The following DOK7 variants were observed in gnomAD, a reference collection of about 807,000 sequenced individuals.
The protein encoded by DOK7 is protein Dok-7.
DOK7 carries 32 observed loss-of-function variants against 30.7 expected under a neutral mutation model. The observed-to-expected ratio is 1.04, with a 90% confidence interval of 0.79 to 1.40. The LOEUF is 1.40. DOK7 is among the 40% of genes most tolerant of loss of function. The probability of loss-of-function intolerance (pLI) is 0.00; values close to 1 mark genes in which losing one functional copy is unlikely to be tolerated. For synonymous variants in DOK7, 447 were observed against 324.1 expected (o/e 1.38, Z -4.07); for missense variants, 1,007 against 699.2 (o/e 1.44, Z -4.97).
chr4:3,490,408 C>CT (rs1728225137), intron 6 of DOK7, among the ~76,000 whole-genome samples: 1 of 68,012 alleles, frequency 1.5e-5, no homozygotes, highest in Non-Finnish European at 2.9e-5. Context: ...CCTTCTTTCA[C>CT]CCCCCCCACC....
At chr4:3,495,320 G>A (rs772269971), downstream of DOK7, among the ~76,000 whole-genome samples, 5 of 148,298 alleles carry the variant, frequency 3.4e-5, no homozygotes, top group Admixed American at 6.6e-5. Flanking sequence ...GGCCCTTCCC[G>A]CTAGTCTTCA....
At position 3,493,389 on chromosome 4, in the gene DOK7, G is replaced by A. The variant is rs767909551; in HGVS notation, c.1403G>A (p.Gly468Asp). 6.6e-5 allele frequency: 105 copies of A among 1,594,730 alleles called. No individual in the cohort carries two copies. Among genetic ancestry groups the A allele is most frequent in the Non-Finnish European group, 8.6e-5 (101 of 1,171,212 alleles). The change falls in exon 7 of 7, where the codon GGC (glycine) becomes GAC (aspartate). Residue 468 changes from glycine to aspartate, a missense_variant. By Grantham distance (94) the Gly-to-Asp change is moderately conservative. Transcript: ENST00000340083. ...APQGSEATLP[G>D]PAPGEPWEAG... is the part of the protein sequence containing the mutation. ...CAGGGCAGCGAGGCCACACTGCCTG[G>A]CCCTGCCCCTGGCGAGCCCTGGGAA...
intron 4 of DOK7, 157 bp from the exon 5 acceptor site, chr4:3,485,382 G>A: frequency 5.9e-6 from 6 of 1,014,872 alleles, no homozygotes; most frequent in African/African-American, 5.0e-5. Flanking sequence ...ACGGGGCCAG[G>A]CGGGGTGTCG....
At chr4:3,478,615 C>T (rs1014562619) in intron 4 of DOK7, among the ~76,000 whole-genome samples, 2 of 77,190 alleles carry the variant, frequency 2.6e-5, no homozygotes, top group African/African-American at 1.4e-4. Context: ...ACAGAACCCG[C>T]CTTTGCAGCT....
At chr4:3,491,313 T>TG (rs1449021831) in intron 6 of DOK7, among the ~76,000 whole-genome samples, 295 of 123,298 alleles carry the variant, frequency 2.4e-3, no homozygotes, top group African/African-American at 9.2e-3. Context: ...ATTCCTGCCT[T>TG]CTCCCCCTGC....
chr4:3,481,516 C>T (rs1200355555), intron 4 of DOK7, among the ~76,000 whole-genome samples: 3 of 152,100 alleles, frequency 2.0e-5, no homozygotes, highest in Non-Finnish European at 4.4e-5. Flanking sequence ...AGCCAACACC[C>T]ACTGCCAGGC....
Position 3,485,578 on chromosome 4 carries a change from A to G in DOK7, c.572A>G (p.Gln191Arg), listed in dbSNP as rs774010205. The G allele has an allele frequency of 6.2e-7, 1 of 1,607,410 alleles. No individual in the cohort carries two copies. The highest frequency in any genetic ancestry group is 8.5e-7 in the Non-Finnish European group (1 of 1,176,626). Residue 191 changes from glutamine (Q) to arginine (R), a missense_variant, in exon 5 of 7, where the codon CAG (glutamine) becomes CGG (arginine). Physicochemically the swap from Gln to Arg is conservative, Grantham distance 43 (BLOSUM62 1). Coordinates refer to ENST00000340083, the MANE Select transcript of DOK7 (RefSeq NM_173660.5). ...VFFLSSAEGE[Q>R]ISFLFDCIVR... Reference sequence around the variant, plus strand: ...TTCCTGTCCTCGGCCGAGGGGGAGCAGATCAGCTTCCTGTTCGACTGCATC... The same window carrying G: ...TTCCTGTCCTCGGCCGAGGGGGAGCGGATCAGCTTCCTGTTCGACTGCATC...
intron 2 of DOK7, among the ~76,000 whole-genome samples, chr4:3,467,561 G>A (rs1244534464): frequency 3.3e-5 from 5 of 151,546 alleles, no homozygotes; most frequent in South Asian, 2.1e-4. Context: ...GTGTGTGCAC[G>A]TGCGTGTGTG....
intron 6 of DOK7, among the ~76,000 whole-genome samples, chr4:3,491,495 C>T (rs1232622089): frequency 1.5e-5 from 2 of 134,616 alleles, no homozygotes; most frequent in African/African-American, 5.4e-5. Context: ...TTTCCTTGTC[C>T]CTCCGCTTAT....
chr4:3,487,807 C>A (rs1231127379), intron 5 of DOK7, among the ~76,000 whole-genome samples: 1 of 152,236 alleles, frequency 6.6e-6, no homozygotes, highest in East Asian at 1.9e-4. Flanking sequence ...TCCGTCCCAC[C>A]TGTGGGGCAT....
At position 3,492,941 on chromosome 4, in the gene DOK7, C is replaced by T; in HGVS notation, c.955C>T (p.Pro319Ser). ...EAMVGASRPP[P>S]KPLRPRQLQE... ...CATGGTGGGTGCCTCAAGGCCACCC[C>T]CCAAGCCGCTGCGTCCGCGGCAGCT... The change falls in exon 7 of 7, where the codon CCC becomes TCC. Residue 319 changes from proline (P) to serine (S), a missense_variant. Transcript: ENST00000340083. 5.1e-6 allele frequency: 8 copies of T among 1,556,672 alleles called. No homozygotes were observed. Among genetic ancestry groups the T allele is most frequent in the Non-Finnish European group, 6.1e-6 (7 of 1,153,848 alleles).
At chr4:3,500,844 T>C (rs1729152509) in exon 8 of DOK7, 1 of 1,521,914 alleles carries the variant, frequency 6.6e-7, no homozygotes, top group African/African-American at 1.4e-5. Context: ...CGCCAGGAGC[T>C]GACCGCAAAC....
Position 3,492,678 on chromosome 4 carries a change from T to TG in DOK7, c.773-76dup, listed in dbSNP as rs532097176. On this transcript the variant is annotated intron_variant, in intron 6 of 6. Transcript: ENST00000340083. ...GGCGAGACCAGAGAGTGCTGGCCTG[T>TG]GGGGGTCCACCAGGCATCAGCCACG... is the stretch of plus-strand genomic sequence containing the variant. The TG allele has an allele frequency of 1.4e-4, 216 of 1,574,658 alleles. 1 individual carries two copies. The East Asian group carries it at 3.8e-3, about 27-fold the overall frequency.
Position 3,493,744 on chromosome 4 carries a change from C to G in DOK7, c.*243C>G, listed in dbSNP as rs1409385837. 17 of 1,419,504 alleles carry G rather than the reference C, an allele frequency of 1.2e-5. No homozygotes were observed. Among genetic ancestry groups the G allele is most frequent in the Non-Finnish European group, 1.5e-5 (16 of 1,091,222 alleles). 87.9% of individuals were successfully genotyped at this position (1,419,504 alleles called of 1,614,324 possible). On this transcript the variant is annotated 3_prime_UTR_variant, in exon 7 of 7. Transcript: ENST00000340083. ...CGGCAGGTCGGGGTCACCAGAGCCCCAATGCTCAGCTGCTTCACTCCGTGT... is the reference window on the plus strand; with the variant it reads ...CGGCAGGTCGGGGTCACCAGAGCCCGAATGCTCAGCTGCTTCACTCCGTGT...
At chr4:3,485,002 T>C (rs1727674144) in intron 4 of DOK7, among the ~76,000 whole-genome samples, 1 of 152,170 alleles carries the variant, frequency 6.6e-6, no homozygotes, top group African/African-American at 2.4e-5. Flanking sequence ...GGGACCCTAC[T>C]TGATGTCTCT....
chr4:3,467,450 C>CA (rs1491378439), intron 2 of DOK7, among the ~76,000 whole-genome samples: 7 of 100,648 alleles, frequency 7.0e-5, no homozygotes. Flanking sequence ...CCAGGGAAGA[C>CA]CCCCCCCCCC....
At chr4:3,496,913 T>C, downstream of DOK7, 1 of 1,232,528 alleles carries the variant, frequency 8.1e-7, no homozygotes, top group East Asian at 6.5e-5. Flanking sequence ...AAGGCGGGAG[T>C]CTGGGTGGGC....
At chr4:3,476,652 T>TC in intron 4 of DOK7, 110 bp downstream of exon 4, 1 of 1,416,910 alleles carries the variant, frequency 7.1e-7, no homozygotes, top group Non-Finnish European at 9.9e-7. Flanking sequence ...CTGCTGGCAT[T>TC]TCCAGAATGC....
intron 5 of DOK7, 30 bp downstream of exon 5, chr4:3,485,688 G>A (rs1419627872): frequency 2.0e-6 from 3 of 1,521,268 alleles, no homozygotes; most frequent in Non-Finnish European, 2.7e-6. Flanking sequence ...CGGCCGGGGA[G>A]GGTGCGCTCG....
Sources: allele counts gnomAD v4.1 joint callset (sites outside exome capture counted in the v4.1 genomes callset), GRCh38; gene constraint gnomAD v4.1.1; transcripts MANE v1.5; gene names NCBI Gene and HGNC (gene_info 2026-07-23, HGNC 2026-07-21).